RIPOR2: variants seen among roughly 807,000 people sequenced by gnomAD.
RIPOR2 encodes rho family-interacting cell polarization regulator 2.
In RIPOR2, 39 loss-of-function variants were observed where a neutral mutation model predicts 114.5. The ratio of observed to expected loss-of-function variants is 0.34; its 90% CI spans 0.26 to 0.44. RIPOR2 has a LOEUF of 0.44. Among genes scored for constraint, RIPOR2 ranks in the 20% least tolerant of loss-of-function variants. RIPOR2 has a pLI of 1.00. For missense variants in RIPOR2, 1,007 were observed against 1,255.1 expected, an observed-to-expected ratio of 0.80 and a Z score of 2.99; for synonymous variants, 445 against 484.4, an observed-to-expected ratio of 0.92 and a Z score of 1.07.
chr6:24,959,403 A>T (rs770011719), intron 1 of RIPOR2, among the ~76,000 whole-genome samples: 7 of 152,302 alleles, frequency 4.6e-5, no homozygotes, highest in Non-Finnish European at 7.3e-5. Flanking sequence ...TCCTAGGAGG[A>T]TCCACACAGG....
intron 1 of RIPOR2, among the ~76,000 whole-genome samples, chr6:25,011,093 T>G (rs1489417652): frequency 6.6e-6 from 1 of 152,146 alleles, no homozygotes; most frequent in African/African-American, 2.4e-5. Flanking sequence ...CTACAGAATC[T>G]ATGAAAAAAA....
rs901321425 is a variant in RIPOR2, at chr6:24,865,376, G to A, written c.576C>T (p.Phe192=). 1.6e-5 allele frequency: 26 copies of A among 1,613,514 alleles called. No homozygotes were observed. The highest frequency in any genetic ancestry group is 3.3e-5 in the Admixed American group (2 of 59,960). Reference sequence around the variant, plus strand: ...CAGCTTTGCTGGCAGGGGATGTTGCGAAGGCTTGCTTCATTTTGCTGGCAC... The same window carrying A: ...CAGCTTTGCTGGCAGGGGATGTTGCAAAGGCTTGCTTCATTTTGCTGGCAC... The part of the protein sequence containing the change: ...QDGASKMKQA[F]ATSPASKAAR... Residue 192 remains phenylalanine, a synonymous_variant, in exon 7 of 22, where the codon TTC becomes TTT. Transcript: ENST00000643898.
In RIPOR2 at chr6:25,005,548, GA is replaced by G. The variant is rs530230935; in HGVS notation, c.76+36302del. On this transcript the variant is annotated intron_variant, in intron 1 of 13. Transcript: ENST00000510784. ...AAATCTATGTCTCATCTTAGTCAATGAAAAAAAATTATCCTTAACTGTGAAC... is the reference window on the plus strand; with the variant it reads ...AAATCTATGTCTCATCTTAGTCAATGAAAAAAATTATCCTTAACTGTGAAC... 3.9e-3 allele frequency among the ~76,000 whole-genome samples: 583 copies of G among 150,630 alleles called. 4 individuals carry two copies. Among genetic ancestry groups the G allele is most frequent in the African/African-American group, 0.014 (561 of 41,218 alleles).
At chr6:25,021,700 G>A (rs1005350135) in intron 1 of RIPOR2, among the ~76,000 whole-genome samples, 2 of 152,166 alleles carry the variant, frequency 1.3e-5, no homozygotes, top group African/African-American at 4.8e-5. Flanking sequence ...TATACTCCTC[G>A]ATTGATGGGT....
At chr6:24,932,933 A>C (rs553113541) in intron 1 of RIPOR2, among the ~76,000 whole-genome samples, 4 of 152,338 alleles carry the variant, frequency 2.6e-5, no homozygotes, top group South Asian at 4.1e-4. Flanking sequence ...TGAAGTAAAG[A>C]CTGGAGACTG....
chr6:24,884,275 G>A (rs1459153553), intron 1 of RIPOR2, among the ~76,000 whole-genome samples: 2 of 152,114 alleles, frequency 1.3e-5, no homozygotes, highest in Non-Finnish European at 2.9e-5. Flanking sequence ...CAGGCGTGGT[G>A]GTGGGTGCCT....
chr6:25,015,900 T>TGG (rs1292302053), intron 1 of RIPOR2: 1 of 88,826 alleles, frequency 1.1e-5, no homozygotes, highest in African/African-American at 4.3e-5. Context: ...TTTTTGGTTT[T>TGG]TTTTTTTTTT....
chr6:24,872,576 T>G (rs879266445), intron 4 of RIPOR2, among the ~76,000 whole-genome samples: 13 of 151,930 alleles, frequency 8.6e-5, no homozygotes, highest in Admixed American at 7.2e-4. Flanking sequence ...CATTTCCTTG[T>G]ATTATTTAGG....
intron 20 of RIPOR2, among the ~76,000 whole-genome samples, chr6:24,811,588 G>A (rs1421177500): frequency 2.0e-5 from 3 of 151,330 alleles, no homozygotes; most frequent in African/African-American, 7.3e-5. Flanking sequence ...TGTGATGAAA[G>A]TAGGTCAAAC....
intron 1 of RIPOR2, among the ~76,000 whole-genome samples, chr6:24,993,020 T>C (rs1363188811): frequency 6.6e-6 from 1 of 152,268 alleles, no homozygotes; most frequent in Non-Finnish European, 1.5e-5. Flanking sequence ...ATTTGTTTGT[T>C]GTTTGTATTT....
chr6:24,836,624 C>T (rs1015760955), intron 14 of RIPOR2, among the ~76,000 whole-genome samples: 8 of 152,100 alleles, frequency 5.3e-5, no homozygotes, highest in East Asian at 1.9e-4. Flanking sequence ...CACAGCTAGA[C>T]GGGACAGGGA....
chr6:24,847,690 C>T lies in RIPOR2; in HGVS notation c.1164+335G>A, dbSNP rs1183902352. 3.9e-6 allele frequency: 6 copies of T among 1,550,176 alleles called. No individual in the cohort carries two copies. In the East Asian group the frequency reaches 7.3e-5, roughly 19 times the overall value. On this transcript the variant is annotated intron_variant, in intron 12 of 21. Transcript: ENST00000643898. ...CTTGTCTGGGGAAGGATGCAGCCAC[C>T]TCTTCAGAAGTGAAAGCAAGATGGG...
intron 1 of RIPOR2, among the ~76,000 whole-genome samples, chr6:24,915,486 C>T (rs907242860): frequency 6.6e-6 from 1 of 151,932 alleles, no homozygotes; most frequent in African/African-American, 2.4e-5. Context: ...TCCCAAGTAG[C>T]TGGGATTACG....
intron 1 of RIPOR2, among the ~76,000 whole-genome samples, chr6:24,901,356 G>A (rs1258291526): frequency 6.6e-6 from 1 of 151,788 alleles, no homozygotes; most frequent in East Asian, 1.9e-4. Flanking sequence ...GAGCCATTTT[G>A]TGACAACCAA....
Position 24,819,630 on chromosome 6 carries a change from C to T in RIPOR2, c.2869-1005G>A, listed in dbSNP as rs565412083. Among the ~76,000 whole-genome samples the T allele has an allele frequency of 2.8e-3, 409 of 145,726 alleles. 3 individuals carry two copies. The highest frequency in any genetic ancestry group is 7.4e-3 in the African/African-American group (296 of 39,900). On this transcript the variant is annotated intron_variant, in intron 19 of 21. Coordinates refer to ENST00000643898, the MANE Select transcript of RIPOR2 (RefSeq NM_001286445.3). ...CCGGGTTCAAGAGATTCTCCTACCTCGATTACAGGTGCCCACCACCACGCC... is the reference window on the plus strand; with the variant it reads ...CCGGGTTCAAGAGATTCTCCTACCTTGATTACAGGTGCCCACCACCACGCC...
At chr6:25,005,720 T>G (rs1217663685) in intron 1 of RIPOR2, among the ~76,000 whole-genome samples, 1 of 105,850 alleles carries the variant, frequency 9.4e-6, no homozygotes, top group Non-Finnish European at 2.2e-5. Context: ...TATATATATA[T>G]ATATATATAT....
intron 1 of RIPOR2, among the ~76,000 whole-genome samples, chr6:24,919,373 A>T (rs564869631): frequency 6.6e-6 from 1 of 152,338 alleles, no homozygotes; most frequent in Non-Finnish European, 1.5e-5. Context: ...TGGAGATGAA[A>T]ATTTCACAGC....
At chr6:25,036,698 T>A (rs1404445207) in intron 1 of RIPOR2, among the ~76,000 whole-genome samples, 2 of 152,198 alleles carry the variant, frequency 1.3e-5, no homozygotes, top group African/African-American at 4.8e-5. Flanking sequence ...AGGCTAGAGT[T>A]CAACTTTTTA....
chr6:24,834,209 A>C (rs1428939082), intron 15 of RIPOR2, among the ~76,000 whole-genome samples: 1 of 152,178 alleles, frequency 6.6e-6, no homozygotes, highest in Non-Finnish European at 1.5e-5. Context: ...ACCAAGTGGC[A>C]GGAGTTATAA....
Sources: gnomAD v4.1 joint callset for allele counts (sites outside exome capture counted in the v4.1 genomes callset) on GRCh38, gnomAD v4.1.1 for gene constraint, MANE v1.5 for transcripts, NCBI Gene and HGNC (gene_info 2026-07-23, HGNC 2026-07-21) for gene names.